The following AKAP6 variants were observed in gnomAD, a reference collection of about 807,000 sequenced individuals.
AKAP6 encodes the protein A-kinase anchoring protein 6.
A neutral mutation model predicts 188.5 loss-of-function variants in AKAP6; 58 were observed. The observed-to-expected ratio is 0.31, with a 90% CI of 0.25 to 0.38. The LOEUF (loss-of-function observed/expected upper bound fraction) is 0.38. Among genes scored for constraint, AKAP6 ranks in the 10% least tolerant of loss-of-function variants. AKAP6 has a pLI of 1.00. For synonymous variants in AKAP6, 989 were observed against 998.6 expected, an observed-to-expected ratio of 0.99 and a Z score of 0.18; for missense variants, 2,710 against 2,740.0, an observed-to-expected ratio of 0.99 and a Z score of 0.24.
chr14:32,371,557 A>T (rs972549224), intron 1 of AKAP6, among the ~76,000 whole-genome samples: 1 of 152,200 alleles, frequency 6.6e-6, no homozygotes, highest in Non-Finnish European at 1.5e-5. Flanking sequence ...CAGAGTTACG[A>T]TCATTGCACT....
intron 1 of AKAP6, among the ~76,000 whole-genome samples, chr14:32,360,439 C>T (rs1042509284): frequency 6.6e-6 from 1 of 152,026 alleles, no homozygotes; most frequent in East Asian, 1.9e-4. Flanking sequence ...TCCTCTTTTT[C>T]CTAAAAATTT....
In AKAP6 at chr14:32,545,505, C is replaced by T. The variant is rs1883153172; in HGVS notation, c.852C>T (p.Thr284=). ...CGGTAGCTGCTGACTCTATCTCTAC[C>T]AATGGCAGTGAAGCAGTTACTGAGG... ...LLTVAADSIS[T]NGSEAVTEEV... The change falls in exon 4 of 14, where the codon ACC becomes ACT. Residue 284 remains threonine (T), a synonymous_variant. Transcript: ENST00000280979. The T allele has an allele frequency of 6.2e-7, 1 of 1,614,192 alleles. No homozygotes were observed. Among genetic ancestry groups the T allele is most frequent in the African/African-American group, 1.3e-5 (1 of 75,042 alleles).
At chr14:32,818,404 TA>T (rs986489268) in intron 12 of AKAP6, among the ~76,000 whole-genome samples, 91 of 152,254 alleles carry the variant, frequency 6.0e-4, no homozygotes, top group African/African-American at 2.1e-3. Context: ...ATTATTTGCA[TA>T]TAACCTACAG....
chr14:32,715,582 T>C lies in AKAP6; in HGVS notation c.3001-16872T>C, dbSNP rs547332490. ...CCTTACTGGATAGAATTTAAATAAC[T>C]GGAATAGAGATAGATGCATTGCAAA... On this transcript the variant is annotated intron_variant, in intron 9 of 13. Coordinates refer to ENST00000280979, the MANE Select transcript of AKAP6 (RefSeq NM_004274.5). Among the ~76,000 whole-genome samples, 5 of 151,994 alleles carry C rather than the reference T, an allele frequency of 3.3e-5. No individual in the cohort carries two copies. The South Asian group carries it at 8.3e-4, about 25-fold the overall frequency.
intron 1 of AKAP6, among the ~76,000 whole-genome samples, chr14:32,379,973 A>G (rs943312158): frequency 2.0e-5 from 3 of 152,160 alleles, no homozygotes; most frequent in African/African-American, 7.2e-5. Flanking sequence ...CATCTTGGAG[A>G]TGACCACAGC....
intron 2 of AKAP6, among the ~76,000 whole-genome samples, chr14:32,470,733 T>C (rs556868602): frequency 3.0e-4 from 46 of 152,340 alleles, no homozygotes; most frequent in Middle Eastern, 3.4e-3. Flanking sequence ...TAGAAAGCAA[T>C]ACTTAGAGCT....
At chr14:32,639,144 T>C (rs1244005588) in intron 7 of AKAP6, among the ~76,000 whole-genome samples, 1 of 152,172 alleles carries the variant, frequency 6.6e-6, no homozygotes, top group Non-Finnish European at 1.5e-5. Flanking sequence ...ACTAATGTTA[T>C]GACCCATTAA....
intron 12 of AKAP6, among the ~76,000 whole-genome samples, chr14:32,812,382 A>G (rs775085865): frequency 9.8e-5 from 15 of 152,334 alleles, no homozygotes; most frequent in Non-Finnish European, 2.1e-4. Context: ...AACTCTTCCT[A>G]AATTTTTAAA....
intron 10 of AKAP6, chr14:32,733,239 G>A (rs2031266634): frequency 6.5e-6 from 1 of 154,520 alleles, no homozygotes; most frequent in Non-Finnish European, 1.4e-5. Flanking sequence ...TGGCAAAAAG[G>A]CAATATAGAG....
At chr14:32,359,454 A>T (rs1198931431) in intron 1 of AKAP6, among the ~76,000 whole-genome samples, 2 of 152,098 alleles carry the variant, frequency 1.3e-5, no homozygotes, top group Non-Finnish European at 2.9e-5. Flanking sequence ...ATGCTCTCAT[A>T]TGTACCCTTC....
intron 8 of AKAP6, among the ~76,000 whole-genome samples, chr14:32,690,132 C>T (rs1472405736): frequency 6.7e-6 from 1 of 149,956 alleles, no homozygotes; most frequent in East Asian, 2.0e-4. Flanking sequence ...ATTACTCAGC[C>T]TTAAGTAGAA....
intron 9 of AKAP6, 39 bp from the exon 10 acceptor site, chr14:32,732,415 C>G (rs373599239): frequency 1.3e-6 from 2 of 1,583,532 alleles, no homozygotes; most frequent in African/African-American, 2.7e-5. Context: ...AAGAACACCT[C>G]TCTCCCTAAT....
intron 12 of AKAP6, among the ~76,000 whole-genome samples, chr14:32,816,482 C>T (rs1451871424): frequency 6.6e-6 from 1 of 152,192 alleles, no homozygotes; most frequent in African/African-American, 2.4e-5. Flanking sequence ...AAGCACGAGC[C>T]ACTGTACCTG....
intron 1 of AKAP6, among the ~76,000 whole-genome samples, chr14:32,333,419 T>G (rs957424954): frequency 3.3e-5 from 5 of 152,160 alleles, no homozygotes; most frequent in African/African-American, 1.2e-4. Flanking sequence ...TCTATAGCAA[T>G]GAGCAAGACA....
chr14:32,355,946 T>C lies in AKAP6; in HGVS notation c.-35+26538T>C, dbSNP rs187147862. Among the ~76,000 whole-genome samples the C allele has an allele frequency of 3.5e-4, 53 of 152,114 alleles. 1 individual carries two copies. The East Asian group carries it at 9.5e-3, about 27-fold the overall frequency. On this transcript the variant is annotated intron_variant, in intron 1 of 13. Transcript: ENST00000280979. ...CCTGCCACCACACCCGGCTAATTTT[T>C]ATATATTTTTTTCGTAAAGACGGGG...
chr14:32,660,924 A>ACCCCCCCCCCCCCCC (rs1240351554), intron 7 of AKAP6, among the ~76,000 whole-genome samples: 1 of 41,066 alleles, frequency 2.4e-5, no homozygotes, highest in Non-Finnish European at 4.3e-5. Flanking sequence ...CTTCCCCGCC[A>ACCCCCCCCCCCCCCC]CCCCCCCCCC....
At chr14:32,637,832 T>C (rs1320995057) in intron 7 of AKAP6, among the ~76,000 whole-genome samples, 1 of 151,696 alleles carries the variant, frequency 6.6e-6, no homozygotes, top group Non-Finnish European at 1.5e-5. Context: ...TGCAGAATGG[T>C]GTAGGTCATC....
chr14:32,439,713 A>T (rs1264677849), intron 2 of AKAP6, among the ~76,000 whole-genome samples: 3 of 152,152 alleles, frequency 2.0e-5, no homozygotes, highest in African/African-American at 7.2e-5. Context: ...TATCTAAAAC[A>T]TGCCCTTGGA....
chr14:32,529,000 A>G (rs1882271946), intron 2 of AKAP6, among the ~76,000 whole-genome samples: 1 of 152,150 alleles, frequency 6.6e-6, no homozygotes, highest in African/African-American at 2.4e-5. Flanking sequence ...CTTTAGAATC[A>G]GTTTGTTATC....
Sources: gnomAD v4.1 joint callset for allele counts (sites outside exome capture counted in the v4.1 genomes callset) on GRCh38, gnomAD v4.1.1 for gene constraint, MANE v1.5 for transcripts, NCBI Gene and HGNC (gene_info 2026-07-23, HGNC 2026-07-21) for gene names.